DNAH10: variants seen among roughly 807,000 people sequenced by gnomAD.
DNAH10 encodes the protein dynein axonemal heavy chain 10, also known as axonemal beta dynein heavy chain 10.
A neutral mutation model predicts 506.6 loss-of-function variants in DNAH10; 348 were observed. That is an observed-to-expected ratio of 0.69 (90% CI 0.63 to 0.75). DNAH10 has a LOEUF of 0.75. Among genes scored for constraint, DNAH10 ranks in the 30% least tolerant of loss-of-function variants. The pLI, the probability that DNAH10 is intolerant of heterozygous loss-of-function variation, is 0.00. For synonymous variants in DNAH10, 2,059 were observed against 2,198.6 expected (o/e 0.94, Z 1.78); for missense variants, 5,179 against 5,787.1 (o/e 0.89, Z 3.41).
chr12:123,873,783 T>C (rs1007415975), intron 46 of DNAH10, 73 bp downstream of exon 46: 1 of 1,467,306 alleles, frequency 6.8e-7, no homozygotes, highest in Non-Finnish European at 9.1e-7. Context: ...TGTGTGTGTG[T>C]TAGAAGTGAG....
In DNAH10 at chr12:123,853,853, CGCACGCGCACACACACACGGATACAT is replaced by C. The variant is rs1565996963; in HGVS notation, c.6438+516_6438+541del. Among the ~76,000 whole-genome samples, 2 of 134,628 alleles carry C rather than the reference CGCACGCGCACACACACACGGATACAT, an allele frequency of 1.5e-5. No individual in the cohort carries two copies. The highest frequency in any genetic ancestry group is 5.3e-5 in the African/African-American group (2 of 37,874). 88.3% of individuals were successfully genotyped at this position (134,628 alleles called of 152,430 possible). On this transcript the variant is annotated intron_variant, in intron 36 of 78. Transcript: ENST00000673944. The surrounding 1 kb of genome is among the most constrained non-coding windows in gnomAD (Gnocchi z 4.7). ...ACACACACGCACACGCACGGACACA[CGCACGCGCACACACACACGGATACAT>C]GCACGCGCACACACGTACGCACGCA...
At chr12:123,788,239 C>G (rs1957939443) in intron 10 of DNAH10, among the ~76,000 whole-genome samples, 1 of 152,170 alleles carries the variant, frequency 6.6e-6, no homozygotes, top group Non-Finnish European at 1.5e-5. Context: ...TGCTTTTTGG[C>G]TTTCCTTTGA....
In DNAH10 at chr12:123,919,109, T is replaced by C. The variant is rs761153384; in HGVS notation, c.11506+160T>C. 3 of 940,534 alleles carry C rather than the reference T, an allele frequency of 3.2e-6. No individual in the cohort carries two copies. The highest frequency in any genetic ancestry group is 4.5e-6 in the Non-Finnish European group (3 of 663,022). 58.3% of individuals were successfully genotyped at this position (940,534 alleles called of 1,614,324 possible). A position where few individuals can be genotyped will look rare whatever the true frequency, so the allele number is the denominator to read the frequency against. On this transcript the variant is annotated intron_variant, in intron 65 of 78. Coordinates refer to ENST00000673944, the MANE Select transcript of DNAH10 (RefSeq NM_001372106.1). The surrounding 1 kb of genome is among the most constrained non-coding windows in gnomAD (Gnocchi z 4.9). ...TTTTTTTTTTGAGATAGGGTCTTGC[T>C]CCATCACCCAGGCTGGAATGCAGTG...
chr12:123,877,713 G>A, intron 47 of DNAH10, 23 bp from the exon 48 acceptor site: 4 of 1,603,560 alleles, frequency 2.5e-6, no homozygotes, highest in Non-Finnish European at 3.4e-6. Context: ...GTGTGTTGGG[G>A]GGGGTGTCTT....
At chr12:123,888,141 G>A (rs1015704345) in intron 52 of DNAH10, among the ~76,000 whole-genome samples, 2 of 152,192 alleles carry the variant, frequency 1.3e-5, no homozygotes, top group African/African-American at 4.8e-5. Flanking sequence ...CTGGGAGGTT[G>A]AGGCTGCGGT....
At chr12:123,864,143 CTTTTTTTTTTTTTT>C (rs770676668) in intron 39 of DNAH10, among the ~76,000 whole-genome samples, 1 of 117,134 alleles carries the variant, frequency 8.5e-6, no homozygotes, top group Non-Finnish European at 1.7e-5. Context: ...ACTTTTTTTT[CTTTTTTTTTTTTTT>C]TTTTTTGAGA....
At chr12:123,830,451 A>G in intron 25 of DNAH10, 95 bp from the exon 26 acceptor site, 1 of 1,358,362 alleles carries the variant, frequency 7.4e-7, no homozygotes, top group Non-Finnish European at 1.0e-6. Flanking sequence ...TAAGAAGTTT[A>G]CAAAATGAGA....
chr12:123,914,621 T>C, intron 61 of DNAH10, 71 bp downstream of exon 61: 1 of 1,507,678 alleles, frequency 6.6e-7, no homozygotes, highest in South Asian at 1.3e-5. Context: ...GGTGTCACCC[T>C]GGGGGGAGGC....
At chr12:123,829,782 C>G (rs959762848) in intron 25 of DNAH10, among the ~76,000 whole-genome samples, 2 of 152,074 alleles carry the variant, frequency 1.3e-5, no homozygotes, top group Non-Finnish European at 2.9e-5. Context: ...ACGTGGCGTT[C>G]TGCTGTCTAG....
chr12:123,813,520 T>G lies in DNAH10; in HGVS notation c.3501T>G (p.Leu1167=), dbSNP rs1336507472. ...TTAAGGATGAGCATTGCATCAGACTTCAGCTCAGGCATCTGGCAAACACAG... is the reference window on the plus strand; with the variant it reads ...TTAAGGATGAGCATTGCATCAGACTGCAGCTCAGGCATCTGGCAAACACAG... ...PLIKDEHCIR[L]QLRHLANTVQ... is the part of the protein sequence containing the mutation. Residue 1167 remains leucine (L), a synonymous_variant, in exon 20 of 79, where the codon CTT becomes CTG. Coordinates refer to ENST00000673944, the MANE Select transcript of DNAH10 (RefSeq NM_001372106.1). 3.1e-6 allele frequency: 5 copies of G among 1,614,188 alleles called. No individual in the cohort carries two copies. Among genetic ancestry groups the G allele is most frequent in the Non-Finnish European group, 3.4e-6 (4 of 1,180,030 alleles).
chr12:123,834,182 T>A (rs1960882928), intron 27 of DNAH10, among the ~76,000 whole-genome samples: 1 of 152,178 alleles, frequency 6.6e-6, no homozygotes, highest in Non-Finnish European at 1.5e-5. Flanking sequence ...TTATGTGGGA[T>A]ATAGCACTGT....
intron 35 of DNAH10, among the ~76,000 whole-genome samples, chr12:123,851,300 CTG>C (rs1367615883): frequency 1.8e-4 from 27 of 149,470 alleles, no homozygotes; most frequent in African/African-American, 6.5e-4. Flanking sequence ...GTCTTCCAGA[CTG>C]GGGACCTAGG....
At chr12:123,836,104 C>T (rs562717549) in intron 28 of DNAH10, among the ~76,000 whole-genome samples, 3 of 152,220 alleles carry the variant, frequency 2.0e-5, no homozygotes, top group African/African-American at 7.2e-5. Context: ...AAATGTATCT[C>T]TCATGGTTCT....
chr12:123,781,247 G>A lies in DNAH10; in HGVS notation c.789G>A (p.Met263Ile). Residue 263 changes from methionine (M) to isoleucine (I), a missense_variant, in exon 6 of 79, where the codon ATG becomes ATA. Around this residue, in one of 3 missense-constraint regions of DNAH10, gnomAD observed 9 missense variants for 25.8 expected, o/e 0.35. Coordinates refer to ENST00000673944, the MANE Select transcript of DNAH10 (RefSeq NM_001372106.1). ...SIQLIRDEFL[M>I]NVQKFASNIQ... Reference sequence around the variant, plus strand: ...AATTAATACGGGATGAATTTTTAATGAACGTGCAGAAATTTGCAAGTAATA... The same window carrying A: ...AATTAATACGGGATGAATTTTTAATAAACGTGCAGAAATTTGCAAGTAATA... 1 of 1,613,854 alleles carries A rather than the reference G, an allele frequency of 6.2e-7. No homozygotes were observed. The highest frequency in any genetic ancestry group is 8.5e-7 in the Non-Finnish European group (1 of 1,179,934).
rs376079029 is a variant in DNAH10 at position 123,870,482 on chromosome 12, C to G, written c.7636C>G (p.Leu2546Val). 4.3e-6 allele frequency: 7 copies of G among 1,612,996 alleles called. No individual in the cohort carries two copies. In the Admixed American group the frequency reaches 1.2e-4, roughly 27 times the overall value. The change falls in exon 44 of 79, where the codon CTG becomes GTG. Residue 2546 changes from leucine to valine, a missense_variant. By Grantham distance (32) the Leu-to-Val change is conservative. Around this residue, in one of 3 missense-constraint regions of DNAH10, gnomAD observed 4,844 missense variants for 5,430.5 expected, o/e 0.89. Coordinates refer to ENST00000673944, the MANE Select transcript of DNAH10 (RefSeq NM_001372106.1). ...HAPERKFINILVHTVDTTRTT... is the reference protein window; with the variant it reads ...HAPERKFINIVVHTVDTTRTT... ...CCCCGAGAGGAAATTCATCAACATC[C>G]TGGGTAAGTCAGAGTCAAATCCTTG...
chr12:123,764,501 A>T (rs969476219), intron 1 of DNAH10, among the ~76,000 whole-genome samples: 13 of 152,286 alleles, frequency 8.5e-5, no homozygotes, highest in Non-Finnish European at 1.5e-4. Context: ...ATTAAAAAAA[A>T]ATTACAAGAC....
Position 123,848,824 on chromosome 12 carries a change from T to C in DNAH10, c.6044T>C (p.Ile2015Thr). Residue 2015 changes from isoleucine to threonine, a missense_variant, in exon 34 of 79, where the codon ATC becomes ACC. This residue lies in a region of DNAH10 where 4,844 missense variants were observed against 5,430.5 expected (regional missense o/e 0.89). Transcript: ENST00000673944. ...NRIDASVLSV[I>T]SSQIQTIRNA... The stretch of plus-strand genomic sequence containing the variant: ...ATCGATGCTTCTGTGCTCTCCGTGA[T>C]CTCCTCCCAGATCCAGACGATCCGA... 1 of 1,613,890 alleles carries C rather than the reference T, an allele frequency of 6.2e-7. No homozygotes were observed. Among genetic ancestry groups the C allele is most frequent in the Non-Finnish European group, 8.5e-7 (1 of 1,179,870 alleles).
chr12:123,887,441 C>G (rs866820504), intron 52 of DNAH10, 128 bp downstream of exon 52: 8 of 1,117,258 alleles, frequency 7.2e-6, no homozygotes, highest in South Asian at 5.3e-5. Context: ...GTTCCTCCCT[C>G]ACGGCGGCCC....
At chr12:123,867,298 C>T (rs906329355) in intron 41 of DNAH10, among the ~76,000 whole-genome samples, 169 bp from the exon 42 acceptor site, 1 of 152,172 alleles carries the variant, frequency 6.6e-6, no homozygotes, top group African/African-American at 2.4e-5. Context: ...TTGCAGAGGA[C>T]AAATCTCTCT....
Sources: allele counts gnomAD v4.1 joint callset (sites outside exome capture counted in the v4.1 genomes callset), GRCh38; gene constraint gnomAD v4.1.1; regional missense constraint gnomAD v4.1.1; non-coding constraint Gnocchi (gnomAD v3.1); transcripts MANE v1.5; gene names NCBI Gene and HGNC (gene_info 2026-07-23, HGNC 2026-07-21).